The following RANBP3L variants were observed in gnomAD, a reference collection of about 807,000 sequenced individuals.
RANBP3L encodes ran-binding protein 3-like.
Under a neutral mutation model 67.2 loss-of-function variants are expected in RANBP3L, and 56 were observed. The ratio of observed to expected loss-of-function variants is 0.83; its 90% CI spans 0.67 to 1.04. The LOEUF is 1.04. RANBP3L is among the 50% of genes least tolerant of loss of function. RANBP3L has a pLI of 0.00. For missense variants in RANBP3L, 496 were observed against 535.5 expected (o/e 0.93, Z 0.73); for synonymous variants, 164 against 181.4 (o/e 0.90, Z 0.77).
chr5:36,249,766 C>A, intron 13 of RANBP3L, 69 bp from the exon 14 acceptor site: 2 of 727,982 alleles, frequency 2.7e-6, no homozygotes, highest in South Asian at 2.2e-5. Flanking sequence ...ATATTGAATG[C>A]AACTAAACAT....
intron 1 of RANBP3L, 119 bp from the exon 2 acceptor site, chr5:36,271,430 G>T: frequency 1.5e-6 from 1 of 665,158 alleles, no homozygotes; most frequent in Non-Finnish European, 2.7e-6. Flanking sequence ...TTGGGTAAAA[G>T]CCAAGCTATT....
At chr5:36,257,137 G>T (rs946889737) in intron 9 of RANBP3L, 66 bp from the exon 10 acceptor site, 8 of 1,401,470 alleles carry the variant, frequency 5.7e-6, no homozygotes, top group Admixed American at 1.9e-5. Context: ...GTTCTTTGTT[G>T]CCCCTATTAC....
chr5:36,254,477 TG>T (rs1748825286), intron 11 of RANBP3L, among the ~76,000 whole-genome samples: 1 of 152,022 alleles, frequency 6.6e-6, no homozygotes, highest in Admixed American at 6.6e-5. Context: ...TTTTGGGGTT[TG>T]TTTTTTGTTT....
At chr5:36,265,770 C>T (rs1749726219) in intron 4 of RANBP3L, among the ~76,000 whole-genome samples, 1 of 151,990 alleles carries the variant, frequency 6.6e-6, no homozygotes, top group South Asian at 2.1e-4. Flanking sequence ...GTCAGGAGTT[C>T]GAGACCAGCC....
intron 1 of RANBP3L, among the ~76,000 whole-genome samples, chr5:36,299,316 T>C (rs953386880): frequency 9.4e-5 from 14 of 148,194 alleles, no homozygotes; most frequent in Non-Finnish European, 1.8e-4. Flanking sequence ...TATATCTGTA[T>C]ATATATACAC....
chr5:36,278,215 AC>A (rs1181682767), intron 1 of RANBP3L, among the ~76,000 whole-genome samples: 1 of 152,010 alleles, frequency 6.6e-6, no homozygotes, highest in Non-Finnish European at 1.5e-5. Context: ...CCTTATGCTT[AC>A]CCCTAGCTTG....
At chr5:36,268,060 A>G in intron 4 of RANBP3L, 1 of 493,746 alleles carries the variant, frequency 2.0e-6, no homozygotes, top group Non-Finnish European at 3.5e-6. Flanking sequence ...TCTTCGATGC[A>G]TACTTTGCTA....
Position 36,248,519 on chromosome 5 carries a change from G to T in RANBP3L, c.*1135C>A, listed in dbSNP as rs1292467459. The T allele has an allele frequency of 1.3e-5, 2 of 152,116 alleles. No homozygotes were observed. The highest frequency in any genetic ancestry group is 3.8e-4 in the East Asian group (2 of 5,206). The allele number at this position is 152,116 out of a possible 1,614,324, so 9.4% of individuals were successfully genotyped here. Reference sequence around the variant, plus strand: ...ATATAACTTTTGAAAATGTGTGTTTGCATATCCAAATGAATATTGTTCTTC... The same window carrying T: ...ATATAACTTTTGAAAATGTGTGTTTTCATATCCAAATGAATATTGTTCTTC... On this transcript the variant is annotated 3_prime_UTR_variant, in exon 14 of 14. Coordinates refer to ENST00000296604, the MANE Select transcript of RANBP3L (RefSeq NM_145000.5).
In RANBP3L at chr5:36,257,029, G is replaced by A; in HGVS notation, c.815C>T (p.Ala272Val). Residue 272 changes from alanine (A) to valine (V), a missense_variant, in exon 10 of 14, where the codon GCT (alanine) becomes GTT (valine). Physicochemically the swap from Ala to Val is moderately conservative, Grantham distance 64. Coordinates refer to ENST00000296604, the MANE Select transcript of RANBP3L (RefSeq NM_145000.5). ...TCGTGATGGTTGGGAAGAGAATGCA[G>A]CAGCTGATTCAATTAGGGAAGTATT... Reference protein sequence around the residue: ...IKNTSLIESAAAFSSQPSRKC... With the variant: ...IKNTSLIESAVAFSSQPSRKC... 1 of 1,612,534 alleles carries A rather than the reference G, an allele frequency of 6.2e-7. No individual in the cohort carries two copies. The highest frequency in any genetic ancestry group is 1.1e-5 in the South Asian group (1 of 90,944).
intron 12 of RANBP3L, 146 bp from the exon 13 acceptor site, chr5:36,251,645 G>A: frequency 2.0e-6 from 1 of 491,660 alleles, no homozygotes; most frequent in East Asian, 3.4e-5. Context: ...TAAAAATTAA[G>A]CAGTAAAAAG....
At chr5:36,294,470 T>G (rs1752043395) in intron 1 of RANBP3L, among the ~76,000 whole-genome samples, 1 of 152,126 alleles carries the variant, frequency 6.6e-6, no homozygotes, top group African/African-American at 2.4e-5. Context: ...CTCTTGCTTT[T>G]CTAGTTCTTT....
chr5:36,252,343 T>C (rs1374994793), intron 12 of RANBP3L, among the ~76,000 whole-genome samples: 1 of 152,094 alleles, frequency 6.6e-6, no homozygotes, highest in Admixed American at 6.6e-5. Flanking sequence ...ACTGAAACAA[T>C]TTTTGAAGAA....
rs559403241 is a variant in RANBP3L, at chr5:36,277,316, T to C, written c.92-6005A>G. On this transcript the variant is annotated intron_variant, in intron 1 of 13. Coordinates refer to ENST00000296604, the MANE Select transcript of RANBP3L (RefSeq NM_145000.5). ...TCACCGTGTCTGGTTCTTTGGCTTG[T>C]CAAAGCATGGATTTTAGAGCTTGGA... Among the ~76,000 whole-genome samples, 287 of 152,046 alleles carry C rather than the reference T, an allele frequency of 1.9e-3. 1 individual carries two copies. The highest frequency in any genetic ancestry group is 6.7e-3 in the African/African-American group (279 of 41,494).
intron 1 of RANBP3L, among the ~76,000 whole-genome samples, chr5:36,276,383 G>T (rs1458058795): frequency 6.6e-6 from 1 of 152,122 alleles, no homozygotes; most frequent in African/African-American, 2.4e-5. Context: ...TATTTTGAGA[G>T]AACATTCACA....
At position 36,265,094 on chromosome 5, in the gene RANBP3L, A is replaced by G; in HGVS notation, c.345T>C (p.Pro115=). Residue 115 remains proline (P), a synonymous_variant, in exon 6 of 14, where the codon CCT becomes CCC. Transcript: ENST00000296604. Reference sequence around the variant, plus strand: ...TAATAACATGTTTAGAATGTTTCACAGGACCTTAAAAGAATAGAATTAAAG... The same window carrying G: ...TAATAACATGTTTAGAATGTTTCACGGGACCTTAAAAGAATAGAATTAAAG... The part of the protein sequence containing the change: ...SVDIKSAEQG[P]VKHSKHVIRP... 1 of 1,591,688 alleles carries G rather than the reference A, an allele frequency of 6.3e-7. No homozygotes were observed.
chr5:36,300,145 A>C (rs1248127991), intron 1 of RANBP3L, among the ~76,000 whole-genome samples: 1 of 152,220 alleles, frequency 6.6e-6, no homozygotes, highest in East Asian at 1.9e-4. Flanking sequence ...ATAAACTAGA[A>C]TTGTTTACTA....
chr5:36,279,454 G>A (rs1750823743), intron 1 of RANBP3L, among the ~76,000 whole-genome samples: 1 of 152,072 alleles, frequency 6.6e-6, no homozygotes, highest in Admixed American at 6.6e-5. Flanking sequence ...TAACTGTGAT[G>A]GGACACTCTG....
intron 1 of RANBP3L, among the ~76,000 whole-genome samples, chr5:36,282,139 C>G (rs1232364822): frequency 6.6e-6 from 1 of 152,140 alleles, no homozygotes; most frequent in Non-Finnish European, 1.5e-5. Context: ...ATTTGTAAAT[C>G]ACATATTTTT....
chr5:36,296,045 G>A (rs575756371), intron 1 of RANBP3L, among the ~76,000 whole-genome samples: 100 of 152,180 alleles, frequency 6.6e-4, no homozygotes, highest in African/African-American at 7.7e-4. Context: ...CTAAGAGGGC[G>A]GCACACCCTG....
Sources: allele counts gnomAD v4.1 joint callset (sites outside exome capture counted in the v4.1 genomes callset), GRCh38; gene constraint gnomAD v4.1.1; transcripts MANE v1.5; gene names NCBI Gene and HGNC (gene_info 2026-07-23, HGNC 2026-07-21).